The following RRN3 variants were observed in gnomAD, a reference collection of about 807,000 sequenced individuals.
RRN3 encodes the protein RNA polymerase I transcription factor RRN3.
RRN3 carries 38 observed loss-of-function variants against 82.3 expected under a neutral mutation model. The ratio of observed to expected loss-of-function variants is 0.46; its 90% confidence interval spans 0.36 to 0.61. RRN3 has a LOEUF of 0.61. RRN3 is among the 20% of genes least tolerant of loss of function. The pLI, the probability that RRN3 is intolerant of heterozygous loss-of-function variation, is 0.00. For synonymous variants in RRN3, 284 were observed against 284.3 expected, an observed-to-expected ratio of 1.00 and a Z score of 0.01; for missense variants, 726 against 793.1, an observed-to-expected ratio of 0.92 and a Z score of 1.02.
intron 13 of RRN3, among the ~76,000 whole-genome samples, chr16:15,070,670 T>C (rs2045185630): frequency 6.6e-6 from 1 of 151,994 alleles, no homozygotes; most frequent in Admixed American, 6.6e-5. Context: ...AATTTTGTGG[T>C]TGGGGAAGGG....
intron 14 of RRN3, 74 bp downstream of exon 14, chr16:15,069,996 A>T: frequency 1.6e-6 from 2 of 1,221,306 alleles, no homozygotes; most frequent in East Asian, 2.3e-5. Flanking sequence ...AATCTCAAAA[A>T]AGTAATGAAT....
Position 15,086,264 on chromosome 16 carries a change from G to A in RRN3, c.343-6C>T. ...CTATTCAACCAAGGCAATCTCTAGA[G>A]TGGGGGAAGAAAGATAAAAGCAGCA... On this transcript the variant is annotated splice_polypyrimidine_tract_variant and splice_region_variant and intron_variant, in intron 4 of 17. Coordinates refer to ENST00000198767, the MANE Select transcript of RRN3 (RefSeq NM_018427.5). The A allele has an allele frequency of 1.9e-6, 3 of 1,561,912 alleles. No individual in the cohort carries two copies. The highest frequency in any genetic ancestry group is 2.6e-6 in the Non-Finnish European group (3 of 1,148,212).
At chr16:15,083,066 T>C (rs1247066046) in intron 8 of RRN3, among the ~76,000 whole-genome samples, 5 of 152,208 alleles carry the variant, frequency 3.3e-5, no homozygotes, top group Non-Finnish European at 7.3e-5. Flanking sequence ...GTCAAATTCT[T>C]AGACGTCAGT....
chr16:15,073,321 T>G (rs2045317007), intron 11 of RRN3, among the ~76,000 whole-genome samples: 1 of 152,076 alleles, frequency 6.6e-6, no homozygotes, highest in African/African-American at 2.4e-5. Flanking sequence ...TAGCCAGGCA[T>G]GGTGGCACGC....
intron 3 of RRN3, among the ~76,000 whole-genome samples, chr16:15,088,421 C>T (rs902261956): frequency 2.6e-5 from 4 of 152,000 alleles, no homozygotes; most frequent in African/African-American, 4.8e-5. Context: ...GAGCCATGAT[C>T]GGGCCCATTA....
intron 17 of RRN3, among the ~76,000 whole-genome samples, chr16:15,062,562 G>A (rs965459043): frequency 6.6e-6 from 1 of 152,162 alleles, no homozygotes; most frequent in Non-Finnish European, 1.5e-5. Context: ...CACCTCATGT[G>A]ACCTGGAGGG....
intron 11 of RRN3, among the ~76,000 whole-genome samples, 200 bp downstream of exon 11, chr16:15,074,523 A>T (rs761267786): frequency 3.3e-5 from 5 of 152,254 alleles, no homozygotes; most frequent in African/African-American, 9.6e-5. Context: ...GAAGACAAAT[A>T]TAACTCAGCC....
Position 15,091,593 on chromosome 16 carries a change from A to G in RRN3, c.196-222T>C, listed in dbSNP as rs528856039. Among the ~76,000 whole-genome samples the G allele has an allele frequency of 4.7e-4, 71 of 152,140 alleles. 1 individual carries two copies. In the South Asian group the frequency reaches 6.0e-3, roughly 13 times the overall value. ...GGAAAATGATAAACTACATTTAGCTATACTTCTGTATTGACATTTGAATAT... is the reference window on the plus strand; with the variant it reads ...GGAAAATGATAAACTACATTTAGCTGTACTTCTGTATTGACATTTGAATAT... On this transcript the variant is annotated intron_variant, in intron 2 of 17. Coordinates refer to ENST00000198767, the MANE Select transcript of RRN3 (RefSeq NM_018427.5).
rs762673471 is a variant in RRN3, at chr16:15,068,157, T to C, written c.1553+12A>G. The C allele has an allele frequency of 5.2e-6, 8 of 1,529,880 alleles. No homozygotes were observed. The East Asian group carries it at 1.9e-4, about 36-fold the overall frequency. The allele number at this position is 1,529,880 out of a possible 1,614,324, so 94.8% of individuals were successfully genotyped here. ...TTAAATAACTCCCATCAAGAAAGCG[T>C]AAATAACTTACTTTGTGATTGCAGC... On this transcript the variant is annotated intron_variant, in intron 15 of 17. Coordinates refer to ENST00000198767, the MANE Select transcript of RRN3 (RefSeq NM_018427.5).
At position 15,092,534 on chromosome 16, in the gene RRN3, G is replaced by C. The variant is rs548953371; in HGVS notation, c.170C>G (p.Thr57Arg). 91 of 1,612,820 alleles carry C rather than the reference G, an allele frequency of 5.6e-5. No individual in the cohort carries two copies. Among genetic ancestry groups the C allele is most frequent in the Non-Finnish European group, 7.0e-5 (82 of 1,178,902 alleles). The change falls in exon 2 of 18, where the codon ACA (threonine) becomes AGA (arginine). Residue 57 changes from threonine (T) to arginine (R), a missense_variant. Thr to Arg is a moderately conservative substitution (Grantham distance 71). Around this residue, in one of 4 missense-constraint regions of RRN3, gnomAD observed 135 missense variants for 87.4 expected, o/e 1.55. Coordinates refer to ENST00000198767, the MANE Select transcript of RRN3 (RefSeq NM_018427.5). ...RKTVRFGGTV[T>R]EVLLKYKKGE... Reference sequence around the variant, plus strand: ...CTTTTTGTACTTCAGCAAGACTTCTGTCACAGTTCCACCAAACCGAACAGT... The same window carrying C: ...CTTTTTGTACTTCAGCAAGACTTCTCTCACAGTTCCACCAAACCGAACAGT...
chr16:15,065,678 T>TA (rs1442203524), intron 15 of RRN3, among the ~76,000 whole-genome samples: 1 of 152,230 alleles, frequency 6.6e-6, no homozygotes, highest in Non-Finnish European at 1.5e-5. Flanking sequence ...TACTATTCAT[T>TA]AAAAATAAAT....
intron 3 of RRN3, among the ~76,000 whole-genome samples, chr16:15,089,915 T>G (rs534344367): frequency 6.7e-6 from 1 of 149,300 alleles, no homozygotes; most frequent in Non-Finnish European, 1.5e-5. Flanking sequence ...CTTAAAAAAG[T>G]AAGTCCACTG....
At chr16:15,063,051 C>T in intron 17 of RRN3, 145 bp downstream of exon 17, 2 of 698,072 alleles carry the variant, frequency 2.9e-6, no homozygotes, top group Non-Finnish European at 5.2e-6. Context: ...ACTGTGTTGC[C>T]CAGGCTGGTC....
At chr16:15,079,260 G>C (rs2151798218) in intron 9 of RRN3, among the ~76,000 whole-genome samples, 1 of 152,260 alleles carries the variant, frequency 6.6e-6, no homozygotes, top group African/African-American at 2.4e-5. Context: ...AATGTCACTA[G>C]AATCTACTAC....
At chr16:15,071,051 G>A (rs2045203676) in intron 13 of RRN3, 70 bp downstream of exon 13, 1 of 1,365,206 alleles carries the variant, frequency 7.3e-7, no homozygotes, top group Admixed American at 2.2e-5. Flanking sequence ...AGATATTTCT[G>A]ACTTGAGACA....
rs1181895275 is a variant in RRN3, at chr16:15,061,343, A to G, written c.*401T>C. The G allele has an allele frequency of 5.4e-6, 1 of 185,014 alleles. No individual in the cohort carries two copies. The highest frequency in any genetic ancestry group is 1.1e-5 in the Non-Finnish European group (1 of 90,276). 11.5% of individuals were successfully genotyped at this position (185,014 alleles called of 1,614,324 possible). ...GAGGATTCTTCACTGAAAGCTCATCAGTCAAGTCCTAAGACCATGGATCTG... is the reference window on the plus strand; with the variant it reads ...GAGGATTCTTCACTGAAAGCTCATCGGTCAAGTCCTAAGACCATGGATCTG... On this transcript the variant is annotated 3_prime_UTR_variant, in exon 18 of 18. Coordinates refer to ENST00000198767, the MANE Select transcript of RRN3 (RefSeq NM_018427.5).
Position 15,084,671 on chromosome 16 carries a change from G to A in RRN3, c.567C>T (p.Ala189=), listed in dbSNP as rs1256981119. 42 of 1,612,936 alleles carry A rather than the reference G, an allele frequency of 2.6e-5. No individual in the cohort carries two copies. Among genetic ancestry groups the A allele is most frequent in the Non-Finnish European group, 3.4e-5 (40 of 1,178,984 alleles). Residue 189 remains alanine, a synonymous_variant, in exon 7 of 18, where the codon GCC becomes GCT. Coordinates refer to ENST00000198767, the MANE Select transcript of RRN3 (RefSeq NM_018427.5). The part of the protein sequence containing the change: ...LPANFDTCHR[A]LQIIARYVPS... ...GTACATATCTTGCTATTATTTGCAA[G>A]GCTCTGTGACATGTGTCAAAATTTG...
intron 6 of RRN3, among the ~76,000 whole-genome samples, chr16:15,085,413 G>A (rs1222669945): frequency 6.6e-6 from 1 of 152,028 alleles, no homozygotes; most frequent in Non-Finnish European, 1.5e-5. Context: ...AGCCTCCCAG[G>A]TAGCTGTGAC....
intron 12 of RRN3, 118 bp downstream of exon 12, chr16:15,072,832 A>C: frequency 9.8e-7 from 1 of 1,022,724 alleles, no homozygotes; most frequent in South Asian, 1.5e-5. Flanking sequence ...CAGACTAGCA[A>C]GTAAGCTCAA....
Sources: gnomAD v4.1 joint callset for allele counts (sites outside exome capture counted in the v4.1 genomes callset) on GRCh38, gnomAD v4.1.1 for gene constraint, gnomAD v4.1.1 regional missense constraint, MANE v1.5 for transcripts, NCBI Gene and HGNC (gene_info 2026-07-23, HGNC 2026-07-21) for gene names.